ACAD10: variants seen among roughly 807,000 people sequenced by gnomAD.
ACAD10 encodes the protein ACAD-10.
In ACAD10, 112 loss-of-function variants were observed where a neutral mutation model predicts 116.8. The observed-to-expected ratio is 0.96, with a 90% CI of 0.82 to 1.12. The LOEUF is 1.12. Ranked by LOEUF, ACAD10 falls within the 50% of genes most tolerant of loss-of-function variation. The pLI is 0.00. For synonymous variants in ACAD10, 486 were observed against 510.6 expected (o/e 0.95, Z 0.65); for missense variants, 1,259 against 1,350.2 (o/e 0.93, Z 1.06).
Position 111,712,575 on chromosome 12 carries a change from T to C in ACAD10, c.768T>C (p.Thr256=). 6.2e-7 allele frequency: 1 copy of C among 1,614,116 alleles called. No individual in the cohort carries two copies. The highest frequency in any genetic ancestry group is 8.5e-7 in the Non-Finnish European group (1 of 1,180,012). The change falls in exon 6 of 21, where the codon ACT becomes ACC. Residue 256 remains threonine, a synonymous_variant. Transcript: ENST00000313698. ...GFTLRVGVPN[T]RPVKKTMEIP... ...CATTGAGAGTAGGTGTTCCAAACAC[T>C]CGGCCTGTGAAAAAGACGATGGAAA...
At chr12:111,687,571 T>A (rs1289029659) in intron 1 of ACAD10, among the ~76,000 whole-genome samples, 1 of 152,212 alleles carries the variant, frequency 6.6e-6, no homozygotes, top group African/African-American at 2.4e-5. Context: ...ACACACATAC[T>A]GTATGCATAA....
intron 1 of ACAD10, among the ~76,000 whole-genome samples, chr12:111,691,684 C>T (rs1888048338): frequency 6.6e-6 from 1 of 151,102 alleles, no homozygotes; most frequent in South Asian, 2.1e-4. Flanking sequence ...CAACCTCTGC[C>T]TCCCAAGTTC....
At position 111,748,392 on chromosome 12, in the gene ACAD10, A is replaced by G; in HGVS notation, c.2561A>G (p.Gln854Arg). ...TDPHAPRHRQ[Q>R]SVLLVPMDTP... ...CCACATGCACCAAGACACCGGCAGC[A>G]GTCTGTGCTCTTGGTTCCCATGGAT... The change falls in exon 17 of 21, where the codon CAG becomes CGG. Residue 854 changes from glutamine (Q) to arginine (R), a missense_variant. Gln to Arg is a conservative substitution (Grantham distance 43, BLOSUM62 1). Coordinates refer to ENST00000313698, the MANE Select transcript of ACAD10 (RefSeq NM_025247.6). 1.2e-6 allele frequency: 2 copies of G among 1,614,170 alleles called. No homozygotes were observed. Among genetic ancestry groups the G allele is most frequent in the Non-Finnish European group, 1.7e-6 (2 of 1,180,030 alleles).
rs977416693 is a variant in ACAD10, at chr12:111,756,968, G to C, written c.*495G>C. ...ACCTGGGCGCCTGGGAAAATGGAAT[G>C]CAACCCACATTGTAAAGCCACTGGC... On this transcript the variant is annotated 3_prime_UTR_variant, in exon 21 of 21. Coordinates refer to ENST00000313698, the MANE Select transcript of ACAD10 (RefSeq NM_025247.6). 4.5e-6 allele frequency: 2 copies of C among 442,430 alleles called. No homozygotes were observed. Among genetic ancestry groups the C allele is most frequent in the African/African-American group, 4.0e-5 (2 of 49,484 alleles). 27.4% of individuals were successfully genotyped at this position (442,430 alleles called of 1,614,324 possible). A position where few individuals can be genotyped will look rare whatever the true frequency, so the allele number is the denominator to read the frequency against.
intron 2 of ACAD10, among the ~76,000 whole-genome samples, chr12:111,696,062 A>G (rs1341945884): frequency 1.3e-5 from 2 of 151,158 alleles, no homozygotes; most frequent in Admixed American, 1.3e-4. Context: ...ACTGTACTAT[A>G]CTATTTTTTT....
intron 18 of ACAD10, chr12:111,753,238 G>A: frequency 3.5e-6 from 1 of 282,426 alleles, no homozygotes; most frequent in Non-Finnish European, 7.1e-6. Flanking sequence ...GTGACTTTCA[G>A]AATTTAAAAT....
At chr12:111,709,769 C>T in intron 5 of ACAD10, 85 bp downstream of exon 5, 3 of 1,374,794 alleles carry the variant, frequency 2.2e-6, no homozygotes, top group Non-Finnish European at 2.9e-6. Context: ...ATTTGTAGCT[C>T]TAGCTTTCCT....
chr12:111,753,682 TCCAC>T, intron 18 of ACAD10, 86 bp from the exon 19 acceptor site: 1 of 1,576,222 alleles, frequency 6.3e-7, no homozygotes, highest in East Asian at 2.2e-5. Flanking sequence ...CCTGTCTGCT[TCCAC>T]CCAGCTCTGC....
intron 12 of ACAD10, among the ~76,000 whole-genome samples, chr12:111,744,203 TC>T (rs1889825249): frequency 1.3e-5 from 2 of 152,248 alleles, no homozygotes; most frequent in South Asian, 4.1e-4. Flanking sequence ...AGTTGGCTCT[TC>T]CTTTAGTCAG....
chr12:111,756,185 T>A, intron 20 of ACAD10, 148 bp from the exon 21 acceptor site: 1 of 1,431,098 alleles, frequency 7.0e-7, no homozygotes, highest in Non-Finnish European at 9.1e-7. Flanking sequence ...GGAAGCCCTC[T>A]GGAATATTAG....
At chr12:111,700,405 A>G (rs1414045723) in intron 2 of ACAD10, among the ~76,000 whole-genome samples, 1 of 152,232 alleles carries the variant, frequency 6.6e-6, no homozygotes, top group Non-Finnish European at 1.5e-5. Flanking sequence ...GCTTACTTTC[A>G]TAAATATATA....
intron 6 of ACAD10, 71 bp from the exon 7 acceptor site, chr12:111,715,750 G>C (rs936786304): frequency 2.5e-6 from 4 of 1,599,608 alleles, no homozygotes; most frequent in Non-Finnish European, 3.4e-6. Flanking sequence ...GAACTCATTA[G>C]AAAGAAAGAA....
chr12:111,755,680 G>T lies in ACAD10; in HGVS notation c.2974G>T (p.Asp992Tyr). The T allele has an allele frequency of 6.2e-7, 1 of 1,613,804 alleles. No homozygotes were observed. The highest frequency in any genetic ancestry group is 8.5e-7 in the Non-Finnish European group (1 of 1,179,914). ...CTCCTCCTTACAGGCTGCAGCCTTG[G>T]ATATAGCCATGATTAAAATGGTCGC... is the stretch of plus-strand genomic sequence containing the variant. Reference protein sequence around the residue: ...DLAGNKAAALDIAMIKMVAPS... With the variant: ...DLAGNKAAALYIAMIKMVAPS... Residue 992 changes from aspartate (D) to tyrosine (Y), a missense_variant, in exon 20 of 21, where the codon GAT (aspartate) becomes TAT (tyrosine). Transcript: ENST00000313698.
chr12:111,750,646 T>C (rs1355346133), intron 18 of ACAD10, among the ~76,000 whole-genome samples: 2 of 152,190 alleles, frequency 1.3e-5, no homozygotes, highest in Non-Finnish European at 2.9e-5. Context: ...TGCTTGTTTT[T>C]GTCCCTAGGC....
intron 8 of ACAD10, 119 bp downstream of exon 8, chr12:111,721,858 C>CT: frequency 1.4e-6 from 1 of 715,112 alleles, no homozygotes; most frequent in Non-Finnish European, 2.2e-6. Flanking sequence ...GGAAAAGAAA[C>CT]TTTATCACAA....
At chr12:111,706,385 G>C (rs1888505171) in intron 4 of ACAD10, among the ~76,000 whole-genome samples, 1 of 152,148 alleles carries the variant, frequency 6.6e-6, no homozygotes, top group Non-Finnish European at 1.5e-5. Context: ...ATCCCAACCT[G>C]TCATGTGATA....
intron 4 of ACAD10, among the ~76,000 whole-genome samples, chr12:111,708,262 T>A (rs1888567928): frequency 6.6e-6 from 1 of 152,182 alleles, no homozygotes; most frequent in South Asian, 2.1e-4. Context: ...TTTATTTTAC[T>A]TCCCCCAGAT....
intron 12 of ACAD10, among the ~76,000 whole-genome samples, chr12:111,744,343 G>A (rs73420459): frequency 0.041 from 6,169 of 152,248 alleles, 419 homozygotes; most frequent in African/African-American, 0.14. Context: ...GGAAAGCAGA[G>A]ATCAAGAGCA....
intron 2 of ACAD10, among the ~76,000 whole-genome samples, chr12:111,698,902 C>T (rs988213373): frequency 7.2e-5 from 11 of 151,890 alleles, no homozygotes; most frequent in Non-Finnish European, 1.5e-4. Flanking sequence ...CTTTTTGAAA[C>T]GGAATTTTAC....
Sources: gnomAD v4.1 joint callset for allele counts (sites outside exome capture counted in the v4.1 genomes callset) on GRCh38, gnomAD v4.1.1 for gene constraint, MANE v1.5 for transcripts, NCBI Gene and HGNC (gene_info 2026-07-23, HGNC 2026-07-21) for gene names.